Variants in WLS observed in about 807,000 individuals in gnomAD.
WLS encodes Wnt ligand secretion mediator, also known as protein wntless homolog.
WLS carries 23 observed loss-of-function variants against 62.8 expected under a neutral mutation model. That is an observed-to-expected ratio of 0.37 (90% confidence interval 0.26 to 0.52). The LOEUF is 0.52. Ranked by LOEUF, WLS falls within the 20% of genes least tolerant of loss-of-function variation. WLS has a pLI of 0.92. For synonymous variants in WLS, 246 were observed against 244.1 expected (o/e 1.01, Z -0.07); for missense variants, 615 against 697.3 (o/e 0.88, Z 1.33).
chr1:68,101,436 A>G (rs1269422566), intron 11 of WLS, among the ~76,000 whole-genome samples: 2 of 152,102 alleles, frequency 1.3e-5, no homozygotes, highest in African/African-American at 4.8e-5. Flanking sequence ...GAACTTAGTT[A>G]CCTTGTAGAG....
At chr1:68,177,660 A>C (rs1647318234) in intron 2 of WLS, among the ~76,000 whole-genome samples, 1 of 152,046 alleles carries the variant, frequency 6.6e-6, no homozygotes, top group Admixed American at 6.5e-5. Flanking sequence ...CATCCTGATA[A>C]TTTTTGTATT....
chr1:68,170,751 A>G (rs1251340591), intron 2 of WLS, among the ~76,000 whole-genome samples: 3 of 151,818 alleles, frequency 2.0e-5, no homozygotes, highest in African/African-American at 7.3e-5. Context: ...ACCCAGCAAT[A>G]TGACACTTAT....
rs10713302 is a variant in WLS, at chr1:68,228,897, G to GTTT, written c.106+3294_106+3296dup. ...CAAGCAAAAAAATGTGTTTTTTTTTGTTTTTTTTTTTTTTTGGTAAGAAGG... is the reference window on the plus strand; with the variant it reads ...CAAGCAAAAAAATGTGTTTTTTTTTGTTTTTTTTTTTTTTTTTTGGTAAGAAGG... On this transcript the variant is annotated intron_variant, in intron 1 of 11. Coordinates refer to ENST00000262348, the MANE Select transcript of WLS (RefSeq NM_024911.7). 2.4e-4 allele frequency among the ~76,000 whole-genome samples: 22 copies of GTTT among 90,534 alleles called. 1 individual carries two copies. The highest frequency in any genetic ancestry group is 8.7e-4 in the African/African-American group (22 of 25,352). The allele number at this position is 90,534 out of a possible 152,430, so 59.4% of individuals were successfully genotyped here.
chr1:68,184,167 G>T (rs1196718436), intron 2 of WLS, among the ~76,000 whole-genome samples: 3 of 152,148 alleles, frequency 2.0e-5, no homozygotes, highest in African/African-American at 7.2e-5. Flanking sequence ...TGGCTCTAGT[G>T]CTTCTATTTC....
chr1:68,101,470 AAG>A (rs1401584472), intron 11 of WLS, among the ~76,000 whole-genome samples: 1 of 152,206 alleles, frequency 6.6e-6, no homozygotes, highest in Non-Finnish European at 1.5e-5. Flanking sequence ...TCTGGAAAGA[AAG>A]AACCTGAAGC....
intron 11 of WLS, among the ~76,000 whole-genome samples, chr1:68,127,978 A>T (rs1332464813): frequency 3.3e-5 from 5 of 152,166 alleles, no homozygotes; most frequent in Non-Finnish European, 7.4e-5. Context: ...CAGCAAAATC[A>T]GTCCTATTAT....
chr1:68,195,459 A>G (rs553959898), intron 1 of WLS, among the ~76,000 whole-genome samples: 1 of 152,364 alleles, frequency 6.6e-6, no homozygotes, highest in Non-Finnish European at 1.5e-5. Flanking sequence ...CACACAAAGT[A>G]TAAAATATTA....
chr1:68,112,796 A>G (rs185098128), intron 11 of WLS, among the ~76,000 whole-genome samples: 113 of 152,362 alleles, frequency 7.4e-4, no homozygotes, highest in African/African-American at 2.6e-3. Context: ...TAATGAGAAG[A>G]CTTGCCCTTC....
At chr1:68,207,276 T>TA (rs1649319013) in intron 1 of WLS, among the ~76,000 whole-genome samples, 1 of 152,192 alleles carries the variant, frequency 6.6e-6, no homozygotes, top group African/African-American at 2.4e-5. Flanking sequence ...CACAGCCTAA[T>TA]ACAACACAAA....
intron 1 of WLS, 74 bp from the exon 2 acceptor site, chr1:68,194,301 A>G: frequency 6.5e-7 from 1 of 1,534,786 alleles, no homozygotes; most frequent in Non-Finnish European, 8.8e-7. Context: ...TATTCTTTCC[A>G]CTGCTGTGTT....
chr1:68,228,172 C>A, intron 1 of WLS: 1 of 398,980 alleles, frequency 2.5e-6, no homozygotes. Flanking sequence ...TTGGAAGAAA[C>A]AATGATCTTT....
chr1:68,214,236 G>A (rs1649641254), intron 1 of WLS, among the ~76,000 whole-genome samples: 2 of 151,216 alleles, frequency 1.3e-5, no homozygotes, highest in African/African-American at 4.9e-5. Flanking sequence ...GCTCTAGTTA[G>A]AGGAGCTGCC....
intron 1 of WLS, among the ~76,000 whole-genome samples, chr1:68,200,454 C>T (rs1648942632): frequency 8.6e-6 from 1 of 116,376 alleles, no homozygotes; most frequent in Non-Finnish European, 1.6e-5. Flanking sequence ...ATAATTGGGA[C>T]TGATTTCAAC....
intron 1 of WLS, among the ~76,000 whole-genome samples, chr1:68,219,323 G>T (rs1291774539): frequency 6.6e-6 from 1 of 152,150 alleles, no homozygotes; most frequent in Non-Finnish European, 1.5e-5. Flanking sequence ...AGAAAGCTCA[G>T]TTCAAACCTT....
downstream of WLS, among the ~76,000 whole-genome samples, chr1:68,125,021 A>G (rs970531133): frequency 2.0e-5 from 3 of 152,234 alleles, no homozygotes; most frequent in African/African-American, 7.2e-5. Flanking sequence ...ACAGACCTTC[A>G]ACAGGAAACA....
intron 11 of WLS, among the ~76,000 whole-genome samples, chr1:68,131,099 GACA>G (rs1646514826): frequency 6.7e-6 from 1 of 149,804 alleles, no homozygotes; most frequent in Non-Finnish European, 1.5e-5. Context: ...TTTAAGTAGA[GACA>G]GGGTTTCACC....
chr1:68,162,405 C>T lies in WLS; in HGVS notation c.380-3158G>A, dbSNP rs550872849. 8.1e-5 allele frequency: 130 copies of T among 1,613,860 alleles called. 1 individual carries two copies. The South Asian group carries it at 1.2e-3, about 15-fold the overall frequency. On this transcript the variant is annotated intron_variant, in intron 2 of 11. Coordinates refer to ENST00000262348, the MANE Select transcript of WLS (RefSeq NM_024911.7). ...AGTCGCTCTGATACAGCAAATCCTA[C>T]AGAGTGTAGACCCTCTGCACGCCCA... is the stretch of plus-strand genomic sequence containing the variant.
intron 11 of WLS, among the ~76,000 whole-genome samples, chr1:68,131,589 CACTT>C: frequency 6.6e-6 from 1 of 152,214 alleles, no homozygotes; most frequent in Non-Finnish European, 1.5e-5. Context: ...CACCTCCTGA[CACTT>C]ACTGCCAGGC....
At chr1:68,102,423 G>A (rs559857580) in intron 11 of WLS, among the ~76,000 whole-genome samples, 2 of 152,258 alleles carry the variant, frequency 1.3e-5, no homozygotes, top group South Asian at 2.1e-4. Context: ...GGAGGTTGAT[G>A]TCTCTCTTCT....
Sources: allele counts gnomAD v4.1 joint callset (sites outside exome capture counted in the v4.1 genomes callset), GRCh38; gene constraint gnomAD v4.1.1; transcripts MANE v1.5; gene names NCBI Gene and HGNC (gene_info 2026-07-23, HGNC 2026-07-21).